The following RASSF4 variants were observed in gnomAD, a reference collection of about 807,000 sequenced individuals.
RASSF4 encodes the protein Ras association domain family member 4.
Under a neutral mutation model 41.1 loss-of-function variants are expected in RASSF4, and 38 were observed. The ratio of observed to expected loss-of-function variants is 0.92; its 90% CI spans 0.71 to 1.21. The LOEUF (loss-of-function observed/expected upper bound fraction) is 1.21, where lower values mean the gene tolerates loss of function less well. Among genes scored for constraint, RASSF4 ranks in the 50% most tolerant of loss-of-function variants. RASSF4 has a pLI of 0.00. For synonymous variants in RASSF4, 179 were observed against 163.4 expected (o/e 1.10, Z -0.73); for missense variants, 414 against 419.4 (o/e 0.99, Z 0.11).
intron 6 of RASSF4, among the ~76,000 whole-genome samples, chr10:44,986,349 C>T (rs556419943): frequency 1.4e-4 from 21 of 152,312 alleles, no homozygotes; most frequent in African/African-American, 4.8e-4. Flanking sequence ...GAACACTGAG[C>T]TCTCTGCATG....
intron 5 of RASSF4, chr10:44,984,319 T>A: frequency 1.7e-6 from 1 of 594,404 alleles, no homozygotes; most frequent in Non-Finnish European, 3.0e-6. Flanking sequence ...AGCAGAGGCT[T>A]GGGAGGTGAC....
intron 5 of RASSF4, chr10:44,984,453 C>T: frequency 4.0e-6 from 2 of 496,994 alleles, no homozygotes; most frequent in Non-Finnish European, 7.2e-6. Context: ...TCCTCACCCT[C>T]TGTACCTGCT....
At chr10:44,979,009 G>T (rs947963639) in intron 3 of RASSF4, among the ~76,000 whole-genome samples, 1 of 152,192 alleles carries the variant, frequency 6.6e-6, no homozygotes, top group African/African-American at 2.4e-5. Flanking sequence ...CAGGAAAGGG[G>T]TGGGTTCACT....
At chr10:44,970,119 C>A in intron 1 of RASSF4, 46 bp from the exon 2 acceptor site, 3 of 1,197,906 alleles carry the variant, frequency 2.5e-6, no homozygotes, top group Non-Finnish European at 3.7e-6. Flanking sequence ...CACTGGCCGG[C>A]ACTCCTCTGG....
At chr10:44,988,160 G>A (rs575700315) in intron 6 of RASSF4, among the ~76,000 whole-genome samples, 1 of 152,268 alleles carries the variant, frequency 6.6e-6, no homozygotes, top group South Asian at 2.1e-4. Flanking sequence ...AGGTTTTCAG[G>A]AATCATGGAA....
At chr10:44,984,324 G>GGTGACA in intron 5 of RASSF4, 1 of 589,474 alleles carries the variant, frequency 1.7e-6, no homozygotes, top group Non-Finnish European at 3.0e-6. Flanking sequence ...AGGCTTGGGA[G>GGTGACA]GTGACAGTGA....
chr10:44,988,331 C>T (rs1377682662), intron 6 of RASSF4, among the ~76,000 whole-genome samples: 1 of 152,136 alleles, frequency 6.6e-6, no homozygotes, highest in African/African-American at 2.4e-5. Context: ...AAAATCTTAG[C>T]GGGTTCAATA....
chr10:44,979,894 G>A (rs960529069), intron 3 of RASSF4, among the ~76,000 whole-genome samples: 14 of 152,084 alleles, frequency 9.2e-5, no homozygotes, highest in African/African-American at 2.4e-4. Context: ...GGCTGCCAAG[G>A]AGCACCTGGG....
intron 1 of RASSF4, among the ~76,000 whole-genome samples, chr10:44,964,319 A>C (rs1413059635): frequency 6.6e-6 from 1 of 152,228 alleles, no homozygotes. Context: ...TTGGGGACAG[A>C]GTGTCCTCCA....
At chr10:44,971,722 G>T (rs776575680) in intron 2 of RASSF4, 51 bp from the exon 3 acceptor site, 1 of 1,438,466 alleles carries the variant, frequency 7.0e-7, no homozygotes, top group African/African-American at 1.4e-5. Flanking sequence ...AAGGCCAGAA[G>T]CTGAGGCCCT....
intron 1 of RASSF4, among the ~76,000 whole-genome samples, chr10:44,969,498 A>G (rs148827904): frequency 1.3e-5 from 2 of 152,328 alleles, no homozygotes; most frequent in East Asian, 1.9e-4. Context: ...GAAGGTACTA[A>G]GAGACCAGAA....
chr10:44,968,775 C>T (rs1051171388), intron 1 of RASSF4, among the ~76,000 whole-genome samples: 4 of 152,152 alleles, frequency 2.6e-5, no homozygotes, highest in African/African-American at 7.2e-5. Context: ...ACACTCAGGT[C>T]GGGAAGACAT....
chr10:44,975,903 G>T (rs1005035721), intron 3 of RASSF4, among the ~76,000 whole-genome samples: 7 of 152,044 alleles, frequency 4.6e-5, no homozygotes, highest in East Asian at 2.0e-4. Context: ...CCTAGTTGCC[G>T]GACTCTCCCT....
intron 3 of RASSF4, chr10:44,977,584 T>A: frequency 6.2e-7 from 1 of 1,613,420 alleles, no homozygotes; most frequent in Non-Finnish European, 8.5e-7. Flanking sequence ...AGAGCCTCCC[T>A]CTGGGGGCCC....
intron 3 of RASSF4, among the ~76,000 whole-genome samples, chr10:44,980,243 C>T (rs1233696173): frequency 6.6e-6 from 1 of 152,196 alleles, no homozygotes; most frequent in Non-Finnish European, 1.5e-5. Context: ...GAGACAGTGA[C>T]CAGGATTTCA....
At chr10:44,976,475 C>G (rs1198510947) in intron 3 of RASSF4, 1 of 152,420 alleles carries the variant, frequency 6.6e-6, no homozygotes, top group Non-Finnish European at 1.5e-5. Context: ...AATCTTCCTC[C>G]TCTCCTCTCT....
At chr10:44,963,940 A>G (rs1203914181) in intron 1 of RASSF4, among the ~76,000 whole-genome samples, 1 of 152,184 alleles carries the variant, frequency 6.6e-6, no homozygotes, top group Non-Finnish European at 1.5e-5. Context: ...TTTCAAGTGG[A>G]CTCAATTTCG....
chr10:44,980,114 C>T (rs941358787), intron 3 of RASSF4, among the ~76,000 whole-genome samples: 1 of 152,158 alleles, frequency 6.6e-6, no homozygotes, highest in Non-Finnish European at 1.5e-5. Flanking sequence ...CAAGCCTGAG[C>T]TCTGAGTACT....
chr10:44,992,072 T>C, intron 10 of RASSF4, 70 bp downstream of exon 10: 4 of 1,026,262 alleles, frequency 3.9e-6, no homozygotes, highest in Non-Finnish European at 6.0e-6. Context: ...ACAGCACCAG[T>C]GCCGGCTGGG....
Sources: gnomAD v4.1 joint callset for allele counts (sites outside exome capture counted in the v4.1 genomes callset) on GRCh38, gnomAD v4.1.1 for gene constraint, MANE v1.5 for transcripts, NCBI Gene and HGNC (gene_info 2026-07-23, HGNC 2026-07-21) for gene names.